XIRP2: variants seen among roughly 807,000 people sequenced by gnomAD.
The protein encoded by XIRP2 is xin actin binding repeat containing 2.
Under a neutral mutation model 277.0 loss-of-function variants are expected in XIRP2, and 236 were observed. That is an observed-to-expected ratio of 0.85 (90% confidence interval 0.77 to 0.95). The LOEUF is 0.95. Among genes scored for constraint, XIRP2 ranks in the 40% least tolerant of loss-of-function variants. The pLI is 0.00. For synonymous variants in XIRP2, 1,490 were observed against 1,416.5 expected (o/e 1.05, Z -1.17); for missense variants, 4,640 against 4,157.5 (o/e 1.12, Z -3.19).
At chr2:167,040,829 C>A (rs541467688) in intron 2 of XIRP2, among the ~76,000 whole-genome samples, 1 of 152,294 alleles carries the variant, frequency 6.6e-6, no homozygotes, top group East Asian at 1.9e-4. Context: ...GGGCCCCCAC[C>A]AGCACCTACC....
At chr2:167,073,842 T>G (rs1038957116) in intron 2 of XIRP2, among the ~76,000 whole-genome samples, 1 of 152,146 alleles carries the variant, frequency 6.6e-6, no homozygotes, top group African/African-American at 2.4e-5. Context: ...ACATAAAAGC[T>G]GAAACAGTAA....
chr2:166,940,914 G>T (rs933203745), intron 2 of XIRP2, among the ~76,000 whole-genome samples: 1 of 152,216 alleles, frequency 6.6e-6, no homozygotes, highest in African/African-American at 2.4e-5. Flanking sequence ...TGAGGAGGCA[G>T]TCTGTCTGAT....
rs114523603 is a variant in XIRP2 at position 166,963,611 on chromosome 2, G to T, written c.408+59721G>T. Among the ~76,000 whole-genome samples, 1,144 of 151,868 alleles carry T rather than the reference G, an allele frequency of 7.5e-3. 11 individuals are homozygous for T. Among genetic ancestry groups the T allele is most frequent in the Non-Finnish European group, 9.4e-3 (637 of 67,824 alleles). On this transcript the variant is annotated intron_variant, in intron 2 of 10. Coordinates refer to ENST00000409195, the MANE Select transcript of XIRP2 (RefSeq NM_152381.6). Reference sequence around the variant, plus strand: ...ACCAATGTACAGATTTTAGGTAAGAGAAATCCACATACAGGGATTAGAGGG... The same window carrying T: ...ACCAATGTACAGATTTTAGGTAAGATAAATCCACATACAGGGATTAGAGGG...
chr2:167,160,840 G>T (rs1692341504), intron 3 of XIRP2, among the ~76,000 whole-genome samples: 1 of 152,154 alleles, frequency 6.6e-6, no homozygotes, highest in Non-Finnish European at 1.5e-5. Flanking sequence ...TAACTCGAAA[G>T]TCCACAATCC....
At chr2:166,962,370 G>A (rs745359403) in intron 2 of XIRP2, among the ~76,000 whole-genome samples, 1 of 151,550 alleles carries the variant, frequency 6.6e-6, no homozygotes, top group Non-Finnish European at 1.5e-5. Flanking sequence ...GCAGTGAATG[G>A]CCCATACAGC....
chr2:166,910,745 C>A (rs1313307120), intron 2 of XIRP2, among the ~76,000 whole-genome samples: 4 of 152,162 alleles, frequency 2.6e-5, no homozygotes, highest in African/African-American at 9.7e-5. Context: ...CTCTTGTAGG[C>A]ATTTAGTGCT....
chr2:167,030,417 T>C (rs1688311053), intron 2 of XIRP2, among the ~76,000 whole-genome samples: 1 of 152,132 alleles, frequency 6.6e-6, no homozygotes, highest in Non-Finnish European at 1.5e-5. Flanking sequence ...CACTGTGTCT[T>C]TGTTCTCATT....
chr2:166,936,651 A>G (rs1685526057), intron 2 of XIRP2, among the ~76,000 whole-genome samples: 2 of 152,174 alleles, frequency 1.3e-5, no homozygotes, highest in South Asian at 4.1e-4. Context: ...TTGTCCCAGA[A>G]CCATTTATTA....
rs1695704772 is a variant in XIRP2 at position 167,257,862 on chromosome 2, G to A, written c.*45G>A. The stretch of plus-strand genomic sequence containing the variant: ...GTTCTTTTTCTTTTTGGCAGTTTGG[G>A]AAATTATGCATCACTTCATGGACAA... On this transcript the variant is annotated 3_prime_UTR_variant, in exon 11 of 11. Coordinates refer to ENST00000409195, the MANE Select transcript of XIRP2 (RefSeq NM_152381.6). 1 of 1,584,700 alleles carries A rather than the reference G, an allele frequency of 6.3e-7. No homozygotes were observed.
chr2:167,098,047 AG>A (rs1350925074), intron 2 of XIRP2, among the ~76,000 whole-genome samples: 1 of 151,864 alleles, frequency 6.6e-6, no homozygotes, highest in South Asian at 2.1e-4. Context: ...CTTCTCGAGG[AG>A]TATCTTTGTG....
In XIRP2 at chr2:166,943,759, T is replaced by C. The variant is rs568048995; in HGVS notation, c.408+39869T>C. Among the ~76,000 whole-genome samples the C allele has an allele frequency of 5.3e-5, 8 of 152,358 alleles. No individual in the cohort carries two copies. The South Asian group carries it at 1.7e-3, about 32-fold the overall frequency. On this transcript the variant is annotated intron_variant, in intron 2 of 10. Coordinates refer to ENST00000409195, the MANE Select transcript of XIRP2 (RefSeq NM_152381.6). ...ATTAAATTTTTTGAAAATCTTTCAT[T>C]GAGTCTCTTCCTTTTCACTTTTTCA... is the stretch of plus-strand genomic sequence containing the variant.
At position 167,245,950 on chromosome 2, in the gene XIRP2, T is replaced by C. The variant is rs755801726; in HGVS notation, c.4558T>C (p.Ser1520Pro). ...AATGACCAAGGAAGAAATCCCTCCT[T>C]CTGATGTCAAAACAACCACATGGCT... Reference protein sequence around the residue: ...TKMTKEEIPPSDVKTTTWLFE... With the variant: ...TKMTKEEIPPPDVKTTTWLFE... The change falls in exon 9 of 11, where the codon TCT becomes CCT. Residue 1520 changes from serine (S) to proline (P), a missense_variant. By Grantham distance (74) the Ser-to-Pro change is moderately conservative. Coordinates refer to ENST00000409195, the MANE Select transcript of XIRP2 (RefSeq NM_152381.6). 7 of 1,613,700 alleles carry C rather than the reference T, an allele frequency of 4.3e-6. No individual in the cohort carries two copies. In the Admixed American group the frequency reaches 1.0e-4, roughly 23 times the overall value.
At chr2:167,156,669 G>C (rs1233362591) in intron 3 of XIRP2, among the ~76,000 whole-genome samples, 1 of 152,146 alleles carries the variant, frequency 6.6e-6, no homozygotes, top group Admixed American at 6.6e-5. Flanking sequence ...TATGGATTAT[G>C]CTTCGCAGGC....
chr2:166,929,465 C>T (rs1483240033), intron 2 of XIRP2, among the ~76,000 whole-genome samples: 2 of 152,076 alleles, frequency 1.3e-5, no homozygotes, highest in Non-Finnish European at 2.9e-5. Flanking sequence ...CTTAATTAGC[C>T]TCTACTTGTT....
intron 3 of XIRP2, among the ~76,000 whole-genome samples, chr2:167,178,015 T>C (rs1431010701): frequency 9.2e-5 from 14 of 151,592 alleles, no homozygotes; most frequent in Non-Finnish European, 1.5e-5. Context: ...GAAATTGATT[T>C]GCAACATTAT....
rs1309580140 is a variant in XIRP2, at chr2:167,254,165, G to A, written c.*39G>A. On this transcript the variant is annotated splice_region_variant and 3_prime_UTR_variant, in exon 10 of 11. Transcript: ENST00000409195. ...TGCCACCATTGCAACAGTAAACTAA[G>A]GTAAAATGTTTAATTGTCTTTGCCA... 4 of 1,607,748 alleles carry A rather than the reference G, an allele frequency of 2.5e-6. No individual in the cohort carries two copies. Among genetic ancestry groups the A allele is most frequent in the Non-Finnish European group, 3.4e-6 (4 of 1,176,940 alleles).
intron 3 of XIRP2, among the ~76,000 whole-genome samples, chr2:167,152,013 C>T (rs538890719): frequency 2.0e-5 from 3 of 152,202 alleles, no homozygotes; most frequent in Admixed American, 2.0e-4. Context: ...AAATTTGTGA[C>T]TCAACTTCAA....
At chr2:167,211,847 G>T (rs903084892) in intron 4 of XIRP2, among the ~76,000 whole-genome samples, 1 of 152,160 alleles carries the variant, frequency 6.6e-6, no homozygotes, top group East Asian at 1.9e-4. Flanking sequence ...GCATTATAAA[G>T]TCATATTCAA....
intron 5 of XIRP2, among the ~76,000 whole-genome samples, chr2:167,225,692 G>T (rs1485228645): frequency 6.6e-6 from 1 of 152,040 alleles, no homozygotes; most frequent in Non-Finnish European, 1.5e-5. Flanking sequence ...AACAAAAACA[G>T]CACAAACATT....
Sources: allele counts gnomAD v4.1 joint callset (sites outside exome capture counted in the v4.1 genomes callset), GRCh38; gene constraint gnomAD v4.1.1; transcripts MANE v1.5; gene names NCBI Gene and HGNC (gene_info 2026-07-23, HGNC 2026-07-21).